Variants in LAMA1 observed in about 807,000 individuals in gnomAD.
The protein encoded by LAMA1 is laminin subunit alpha 1, also known as laminin subunit alpha-1.
A neutral mutation model predicts 348.7 loss-of-function variants in LAMA1; 219 were observed. The observed-to-expected ratio is 0.63, with a 90% CI of 0.56 to 0.70. The LOEUF is 0.70. LAMA1 is among the 30% of genes least tolerant of loss of function. LAMA1 has a pLI of 0.00. For synonymous variants in LAMA1, 1,487 were observed against 1,491.0 expected, an observed-to-expected ratio of 1.00 and a Z score of 0.06; for missense variants, 3,744 against 3,888.0, an observed-to-expected ratio of 0.96 and a Z score of 0.99.
intron 61 of LAMA1, among the ~76,000 whole-genome samples, chr18:6,943,843 C>CAAAAAAA (rs61710961): frequency 3.2e-5 from 2 of 63,208 alleles, no homozygotes; most frequent in Non-Finnish European, 3.1e-5. Context: ...AACTCCATCT[C>CAAAAAAA]AAAAAAAAAA....
chr18:7,018,148 C>A (rs2057897431), intron 19 of LAMA1, among the ~76,000 whole-genome samples: 1 of 151,760 alleles, frequency 6.6e-6, no homozygotes, highest in South Asian at 2.1e-4. Context: ...CCAGCCTGGC[C>A]AACGTGGTGA....
chr18:7,059,883 T>C (rs16951129), intron 3 of LAMA1, among the ~76,000 whole-genome samples: 6,332 of 152,278 alleles, frequency 0.042, 342 homozygotes, highest in East Asian at 0.2. Context: ...TATTGCTGAG[T>C]TATCCCTGTG....
At position 6,980,695 on chromosome 18, in the gene LAMA1, G is replaced by A; in HGVS notation, c.5891-58C>T. 3 of 944,046 alleles carry A rather than the reference G, an allele frequency of 3.2e-6. No individual in the cohort carries two copies. The South Asian group carries it at 3.9e-5, about 12-fold the overall frequency. 58.5% of individuals were successfully genotyped at this position (944,046 alleles called of 1,614,324 possible). ...GTTAGCCTACAAAAAAGTTGCCTAG[G>A]CAACAGCTTTATCATTCTTGACCAT... On this transcript the variant is annotated intron_variant, in intron 41 of 62. Coordinates refer to ENST00000389658, the MANE Select transcript of LAMA1 (RefSeq NM_005559.4).
intron 16 of LAMA1, among the ~76,000 whole-genome samples, chr18:7,029,120 T>C (rs1319199283): frequency 6.6e-6 from 1 of 152,170 alleles, no homozygotes; most frequent in Non-Finnish European, 1.5e-5. Flanking sequence ...GTTTCATCAG[T>C]TTTACTTAGG....
At chr18:7,020,597 A>C (rs914592598) in intron 19 of LAMA1, among the ~76,000 whole-genome samples, 1 of 152,156 alleles carries the variant, frequency 6.6e-6, no homozygotes, top group Non-Finnish European at 1.5e-5. Flanking sequence ...AAAGGATAAA[A>C]GCTGTTAAGT....
intron 47 of LAMA1, chr18:6,972,210 A>C (rs967899924): frequency 2.0e-6 from 1 of 506,190 alleles, no homozygotes; most frequent in African/African-American, 1.9e-5. Context: ...CATCTCAGTG[A>C]CTAGGGTTGA....
At chr18:6,956,068 GA>G (rs1176710452) in intron 56 of LAMA1, 1 of 297,016 alleles carries the variant, frequency 3.4e-6, no homozygotes, top group Non-Finnish European at 6.5e-6. Flanking sequence ...ATGCTACCAT[GA>G]AAACTGCCCC....
intron 36 of LAMA1, among the ~76,000 whole-genome samples, chr18:6,988,796 A>G (rs1275001860): frequency 8.1e-6 from 1 of 123,704 alleles, no homozygotes; most frequent in East Asian, 2.4e-4. Context: ...GACAGAGGAG[A>G]CTCCGTCTCA....
intron 42 of LAMA1, 41 bp downstream of exon 42, chr18:6,980,480 T>C: frequency 8.4e-7 from 1 of 1,187,996 alleles, no homozygotes. Context: ...GCTTTTACAA[T>C]GAGAAGACGT....
rs566409928 is a variant in LAMA1, at chr18:6,999,047, T to TG, written c.4663+397_4663+398insC. 3.1e-3 allele frequency among the ~76,000 whole-genome samples: 478 copies of TG among 152,140 alleles called. 4 individuals are homozygous for TG. The highest frequency in any genetic ancestry group is 0.011 in the African/African-American group (462 of 41,494). On this transcript the variant is annotated intron_variant, in intron 32 of 62. Coordinates refer to ENST00000389658, the MANE Select transcript of LAMA1 (RefSeq NM_005559.4). ...GACTCCATTTTTTTGTTTTTGTTTT[T>TG]TTTTTAAGTCCATGATAGTCACGAG...
chr18:7,075,473 T>G (rs1598307114), intron 3 of LAMA1, among the ~76,000 whole-genome samples: 1 of 149,898 alleles, frequency 6.7e-6, no homozygotes, highest in African/African-American at 2.5e-5. Flanking sequence ...AAATACAAAA[T>G]TAGCCGGGCA....
chr18:6,955,317 T>G, intron 57 of LAMA1, 36 bp downstream of exon 57: 9 of 1,508,306 alleles, frequency 6.0e-6, no homozygotes, highest in Non-Finnish European at 6.4e-6. Context: ...CATCTAGCAA[T>G]GAGACGCCGC....
intron 1 of LAMA1, among the ~76,000 whole-genome samples, chr18:7,109,898 G>T (rs1046464911): frequency 6.6e-6 from 1 of 152,124 alleles, no homozygotes; most frequent in Non-Finnish European, 1.5e-5. Context: ...AAAAGCAGCC[G>T]GCTGGCCGGG....
At chr18:7,007,359 CAT>C in intron 28 of LAMA1, 83 bp from the exon 29 acceptor site, 1 of 1,376,850 alleles carries the variant, frequency 7.3e-7, no homozygotes, top group Non-Finnish European at 9.9e-7. Context: ...CCAAAGGAGA[CAT>C]ACAAATGGCC....
rs201421953 is a variant in LAMA1, at chr18:6,999,571, G to A, written c.4537C>T (p.Pro1513Ser). 25 of 1,614,014 alleles carry A rather than the reference G, an allele frequency of 1.5e-5. No individual in the cohort carries two copies. Among genetic ancestry groups the A allele is most frequent in the Non-Finnish European group, 2.0e-5 (24 of 1,179,974 alleles). Residue 1513 changes from proline to serine, a missense_variant, in exon 32 of 63, where the codon CCG (proline) becomes TCG (serine). By Grantham distance (74) the Pro-to-Ser change is moderately conservative. Coordinates refer to ENST00000389658, the MANE Select transcript of LAMA1 (RefSeq NM_005559.4). ...GGSCQKCDCN[P>S]HGSVHGDCDR... ...CAGTCACCGTGGACAGAGCCGTGCG[G>A]GTTGCAGTCACACTTCTGGCAACTG... is the stretch of plus-strand genomic sequence containing the variant.
intron 54 of LAMA1, 50 bp downstream of exon 54, chr18:6,959,289 CCT>C (rs2057595790): frequency 6.2e-7 from 1 of 1,613,242 alleles, no homozygotes; most frequent in Non-Finnish European, 8.5e-7. Flanking sequence ...TCCCACATTC[CCT>C]CTGAGCTCAC....
intron 1 of LAMA1, among the ~76,000 whole-genome samples, chr18:7,091,233 AC>A (rs2143801639): frequency 6.6e-6 from 1 of 152,370 alleles, no homozygotes; most frequent in East Asian, 1.9e-4. Flanking sequence ...TATTGCACTT[AC>A]GCAAAACACA....
At chr18:7,107,815 C>T (rs1204378888) in intron 1 of LAMA1, among the ~76,000 whole-genome samples, 2 of 151,138 alleles carry the variant, frequency 1.3e-5, no homozygotes, top group Non-Finnish European at 2.9e-5. Context: ...GAGATTGAGA[C>T]CGTCCTGGCT....
At chr18:6,998,893 C>T (rs947891040) in intron 32 of LAMA1, among the ~76,000 whole-genome samples, 5 of 152,128 alleles carry the variant, frequency 3.3e-5, no homozygotes, top group Non-Finnish European at 7.3e-5. Context: ...ATTAGCCAGG[C>T]AAGGTGGTGG....
Sources: gnomAD v4.1 joint callset for allele counts (sites outside exome capture counted in the v4.1 genomes callset) on GRCh38, gnomAD v4.1.1 for gene constraint, MANE v1.5 for transcripts, NCBI Gene and HGNC (gene_info 2026-07-23, HGNC 2026-07-21) for gene names.